RASGEF1A: variants seen among roughly 807,000 people sequenced by gnomAD.
RASGEF1A encodes ras-GEF domain-containing family member 1A.
In RASGEF1A, 18 loss-of-function variants were observed where a neutral mutation model predicts 56.4. The observed-to-expected ratio is 0.32, with a 90% CI of 0.22 to 0.47. The LOEUF (loss-of-function observed/expected upper bound fraction) is 0.47. Among genes scored for constraint, RASGEF1A ranks in the 20% least tolerant of loss-of-function variants. The probability of loss-of-function intolerance (pLI) is 1.00; values close to 1 mark genes in which losing one functional copy is unlikely to be tolerated. For synonymous variants in RASGEF1A, 245 were observed against 242.6 expected (o/e 1.01, Z -0.09); for missense variants, 422 against 627.1 (o/e 0.67, Z 3.49).
At chr10:43,253,994 T>C (rs918558327) in intron 1 of RASGEF1A, among the ~76,000 whole-genome samples, 2 of 152,120 alleles carry the variant, frequency 1.3e-5, no homozygotes, top group Admixed American at 6.5e-5. Flanking sequence ...AAGCTGGGCC[T>C]GGGGCAGGCC....
chr10:43,195,994 A>G lies in RASGEF1A; in HGVS notation c.*250T>C. ...TCATTAGAATAAGATGTTATCATGG[A>G]TACCATCTCCCATGATACTCTCCCC... On this transcript the variant is annotated 3_prime_UTR_variant, in exon 13 of 13. Transcript: ENST00000395810. This position sits in a 1 kb window ranked among gnomAD's most constrained non-coding sequence, Gnocchi z 4.2. 2.8e-6 allele frequency: 1 copy of G among 356,894 alleles called. No homozygotes were observed. The highest frequency in any genetic ancestry group is 4.3e-5 in the East Asian group (1 of 23,106). The allele number at this position is 356,894 out of a possible 1,614,324, so 22.1% of individuals were successfully genotyped here.
chr10:43,229,700 G>T, intron 1 of RASGEF1A: 1 of 1,429,418 alleles, frequency 7.0e-7, no homozygotes, highest in East Asian at 3.0e-5. Context: ...CCGGCGTCCA[G>T]CGAGCGGCGG....
chr10:43,206,040 TCCC>T lies in RASGEF1A; in HGVS notation c.74_76del (p.Gly25del). The T allele has an allele frequency of 6.2e-7, 1 of 1,609,638 alleles. No homozygotes were observed. Among genetic ancestry groups the T allele is most frequent in the Non-Finnish European group, 8.5e-7 (1 of 1,178,638 alleles). On this transcript the variant is annotated inframe_deletion, in exon 2 of 13. Transcript: ENST00000395810. ...GCCGCCACCGGCCCCGCCTCCACGC[TCCC>T]CCATGCCAGGCTGCACCTGTCCGCT...
In RASGEF1A at chr10:43,249,322, G is replaced by A. The variant is rs565383956; in HGVS notation, c.-7+17523C>T. 3.3e-5 allele frequency among the ~76,000 whole-genome samples: 5 copies of A among 152,290 alleles called. No homozygotes were observed. In the South Asian group the frequency reaches 1.0e-3, roughly 32 times the overall value. Reference sequence around the variant, plus strand: ...GACCATCTGTATGTCCATCCTCCCTGGTAAGCCCTCATCCAAGTGGCCATC... The same window carrying A: ...GACCATCTGTATGTCCATCCTCCCTAGTAAGCCCTCATCCAAGTGGCCATC... On this transcript the variant is annotated intron_variant, in intron 1 of 12. Transcript: ENST00000395810.
intron 1 of RASGEF1A, among the ~76,000 whole-genome samples, chr10:43,219,385 G>A (rs1032941035): frequency 6.6e-6 from 1 of 152,150 alleles, no homozygotes; most frequent in African/African-American, 2.4e-5. Flanking sequence ...GGAGGAGGGG[G>A]CTGGGAAGCA....
In RASGEF1A at chr10:43,266,951, C is replaced by G. The variant is rs1836636438; in HGVS notation, c.-113G>C. On this transcript the variant is annotated 5_prime_UTR_variant, in exon 1 of 13. Coordinates refer to ENST00000395810, the MANE Select transcript of RASGEF1A (RefSeq NM_145313.4). The stretch of plus-strand genomic sequence containing the variant: ...GGCTCATGCTCGGCGCCCGGGCCCG[C>G]GGCACCCGCCCACCCGCGGCCGCCC... 6.8e-6 allele frequency: 1 copy of G among 146,002 alleles called. No individual in the cohort carries two copies. Among genetic ancestry groups the G allele is most frequent in the Admixed American group, 6.8e-5 (1 of 14,714 alleles). The allele number at this position is 146,002 out of a possible 1,614,324, so 9.0% of individuals were successfully genotyped here.
At chr10:43,243,853 C>T (rs1039296887) in intron 1 of RASGEF1A, among the ~76,000 whole-genome samples, 5 of 152,130 alleles carry the variant, frequency 3.3e-5, no homozygotes, top group Non-Finnish European at 5.9e-5. Context: ...TCTGCCAGGC[C>T]GCCCCGTCTG....
At chr10:43,238,262 G>T (rs746022605) in intron 1 of RASGEF1A, among the ~76,000 whole-genome samples, 1 of 152,136 alleles carries the variant, frequency 6.6e-6, no homozygotes, top group Admixed American at 6.5e-5. Context: ...AGCCGCCGCA[G>T]ATTGAGACCT....
chr10:43,200,354 G>T, intron 5 of RASGEF1A, 98 bp from the exon 6 acceptor site: 1 of 1,070,240 alleles, frequency 9.3e-7, no homozygotes, highest in Non-Finnish European at 1.4e-6. Flanking sequence ...AGCTGCCCAG[G>T]GCACAGGACC....
intron 2 of RASGEF1A, 136 bp downstream of exon 2, chr10:43,205,783 G>A (rs1189461603): frequency 7.2e-6 from 5 of 696,272 alleles, no homozygotes; most frequent in African/African-American, 3.6e-5. Flanking sequence ...AGGTGGGCCT[G>A]GGCCCCCCAC....
At chr10:43,224,362 A>G (rs1266566998) in intron 1 of RASGEF1A, among the ~76,000 whole-genome samples, 1 of 152,228 alleles carries the variant, frequency 6.6e-6, no homozygotes, top group Non-Finnish European at 1.5e-5. Flanking sequence ...CCTCAGCAAC[A>G]TAGCAACACA....
chr10:43,234,097 G>A (rs1840403492), intron 1 of RASGEF1A, among the ~76,000 whole-genome samples: 1 of 152,186 alleles, frequency 6.6e-6, no homozygotes, highest in Non-Finnish European at 1.5e-5. Flanking sequence ...GAAGGGGCTG[G>A]ATCTGGGTGT....
chr10:43,225,455 GTC>G (rs1385152169), intron 1 of RASGEF1A, among the ~76,000 whole-genome samples: 1 of 151,390 alleles, frequency 6.6e-6, no homozygotes, highest in Non-Finnish European at 1.5e-5. Context: ...GTGTTTGTGT[GTC>G]TCTGTGTCTG....
chr10:43,201,773 C>T (rs750183415), intron 4 of RASGEF1A, 35 bp downstream of exon 4: 21 of 1,535,518 alleles, frequency 1.4e-5, no homozygotes, highest in Admixed American at 1.1e-4. Context: ...TGGCACACAC[C>T]CAAAGACCCT....
intron 1 of RASGEF1A, among the ~76,000 whole-genome samples, chr10:43,235,932 C>T (rs1350114714): frequency 6.6e-6 from 1 of 152,100 alleles, no homozygotes; most frequent in African/African-American, 2.4e-5. Context: ...AACAGGGACC[C>T]CTCCCATCAC....
intron 1 of RASGEF1A, chr10:43,208,025 G>GAA (rs987581151): frequency 1.0e-6 from 1 of 981,170 alleles, no homozygotes; most frequent in Non-Finnish European, 1.2e-6. Flanking sequence ...GGCCCAGGGT[G>GAA]GCACTCAGTG....
intron 1 of RASGEF1A, among the ~76,000 whole-genome samples, chr10:43,234,729 T>C (rs924638649): frequency 1.3e-5 from 2 of 152,204 alleles, no homozygotes; most frequent in Non-Finnish European, 2.9e-5. Context: ...CATACCTCTC[T>C]ATCCTCTCCA....
chr10:43,201,890 T>A lies in RASGEF1A; in HGVS notation c.377A>T (p.Glu126Val), dbSNP rs1371398835. 1 of 1,612,094 alleles carries A rather than the reference T, an allele frequency of 6.2e-7. No individual in the cohort carries two copies. The highest frequency in any genetic ancestry group is 2.2e-5 in the East Asian group (1 of 44,866). The change falls in exon 4 of 13, where the codon GAG becomes GTG. Residue 126 changes from glutamate to valine, a missense_variant. Transcript: ENST00000395810. The part of the protein sequence containing the change: ...KIVQLLKEWT[E>V]AFPYDFQDEK... ...ATCCTGGAAGTCATAGGGGAAGGCCTCGGTCCACTCCTTCAGGAGCTGCAC... is the reference window on the plus strand; with the variant it reads ...ATCCTGGAAGTCATAGGGGAAGGCCACGGTCCACTCCTTCAGGAGCTGCAC...
At chr10:43,220,724 G>A (rs1171554894) in intron 1 of RASGEF1A, among the ~76,000 whole-genome samples, 1 of 151,566 alleles carries the variant, frequency 6.6e-6, no homozygotes, top group Non-Finnish European at 1.5e-5. Context: ...GGTGGACGTT[G>A]CAGTGAGCTG....
Sources: allele counts gnomAD v4.1 joint callset (sites outside exome capture counted in the v4.1 genomes callset), GRCh38; gene constraint gnomAD v4.1.1; non-coding constraint Gnocchi (gnomAD v3.1); transcripts MANE v1.5; gene names NCBI Gene and HGNC (gene_info 2026-07-23, HGNC 2026-07-21).